Variants in SNX13 observed in about 807,000 individuals in gnomAD.
SNX13 encodes the protein sorting nexin-13.
Under a neutral mutation model 133.6 loss-of-function variants are expected in SNX13, and 45 were observed. The ratio of observed to expected loss-of-function variants is 0.34; its 90% confidence interval spans 0.27 to 0.43. SNX13 has a LOEUF of 0.43. Among genes scored for constraint, SNX13 ranks in the 20% least tolerant of loss-of-function variants. SNX13 has a pLI of 1.00. For synonymous variants in SNX13, 414 were observed against 373.9 expected (o/e 1.11, Z -1.24); for missense variants, 1,032 against 1,145.1 (o/e 0.90, Z 1.43).
Position 17,850,996 on chromosome 7 carries a change from G to C in SNX13, c.838-32C>G, listed in dbSNP as rs1459197068. Reference sequence around the variant, plus strand: ...ACAAGTTTAAGAAAAACAGGTGGGAGAGGAACTCACTTATGAAAAGGAAAA... The same window carrying C: ...ACAAGTTTAAGAAAAACAGGTGGGACAGGAACTCACTTATGAAAAGGAAAA... On this transcript the variant is annotated intron_variant, in intron 9 of 25. Transcript: ENST00000428135. 1.9e-6 allele frequency: 3 copies of C among 1,573,986 alleles called. No individual in the cohort carries two copies. In the African/African-American group the frequency reaches 4.1e-5, roughly 21 times the overall value.
intron 25 of SNX13, chr7:17,795,882 G>A (rs1034305772): frequency 4.0e-5 from 6 of 151,368 alleles, no homozygotes; most frequent in African/African-American, 1.5e-4. Context: ...CAAATGAAAC[G>A]GTATATAGGT....
rs560189721 is a variant in SNX13 at position 17,861,331 on chromosome 7, A to G, written c.837+7076T>C. ...GTTATCACACATACAGTTATCACACATACAGTTATCTCACACACACACACA... is the reference window on the plus strand; with the variant it reads ...GTTATCACACATACAGTTATCACACGTACAGTTATCTCACACACACACACA... On this transcript the variant is annotated intron_variant, in intron 9 of 25. Coordinates refer to ENST00000428135, the MANE Select transcript of SNX13 (RefSeq NM_015132.5). Among the ~76,000 whole-genome samples, 17 of 137,354 alleles carry G rather than the reference A, an allele frequency of 1.2e-4. No homozygotes were observed. The Admixed American group carries it at 1.3e-3, about 10-fold the overall frequency. 90.1% of individuals were successfully genotyped at this position (137,354 alleles called of 152,430 possible). A position where few individuals can be genotyped will look rare whatever the true frequency, so the allele number is the denominator to read the frequency against.
At chr7:17,869,285 T>C (rs1406851316) in intron 8 of SNX13, among the ~76,000 whole-genome samples, 1 of 152,114 alleles carries the variant, frequency 6.6e-6, no homozygotes, top group Non-Finnish European at 1.5e-5. Context: ...ATTGGTCAAC[T>C]TATCTACTGA....
At chr7:17,890,925 T>C (rs563517657) in intron 4 of SNX13, among the ~76,000 whole-genome samples, 2 of 152,046 alleles carry the variant, frequency 1.3e-5, no homozygotes, top group African/African-American at 4.8e-5. Context: ...AGTCTAATTA[T>C]AAAAATGATA....
At chr7:17,888,046 T>G (rs569697288) in intron 5 of SNX13, 2 of 152,312 alleles carry the variant, frequency 1.3e-5, no homozygotes, top group South Asian at 4.1e-4. Flanking sequence ...TTCCTGATAT[T>G]GGCACCGGAA....
At chr7:17,888,703 C>T in intron 5 of SNX13, 1 of 470,830 alleles carries the variant, frequency 2.1e-6, no homozygotes, top group East Asian at 6.9e-5. Context: ...TTGTTTTATT[C>T]ACTGCTGTAT....
rs1229761850 is a variant in SNX13, at chr7:17,816,308, T to TCA, written c.1846-21_1846-20dup. The TCA allele has an allele frequency of 2.7e-5, 41 of 1,523,258 alleles. No homozygotes were observed. Among genetic ancestry groups the TCA allele is most frequent in the Non-Finnish European group, 3.5e-5 (40 of 1,134,624 alleles). The allele number at this position is 1,523,258 out of a possible 1,614,324, so 94.4% of individuals were successfully genotyped here. A position where few individuals can be genotyped will look rare whatever the true frequency, so the allele number is the denominator to read the frequency against. Reference sequence around the variant, plus strand: ...TTTCAAACTGTAAGACAAAATACATTCAATAGCACTTTTTATAAAGACAAA... The same window carrying TCA: ...TTTCAAACTGTAAGACAAAATACATTCACAATAGCACTTTTTATAAAGACAAA... On this transcript the variant is annotated intron_variant, in intron 18 of 25. Coordinates refer to ENST00000428135, the MANE Select transcript of SNX13 (RefSeq NM_015132.5).
intron 9 of SNX13, among the ~76,000 whole-genome samples, chr7:17,856,260 T>C (rs183328191): frequency 8.5e-5 from 13 of 152,340 alleles, no homozygotes; most frequent in Admixed American, 7.2e-4. Context: ...AAATAACTTG[T>C]TATAAATTTA....
chr7:17,873,620 A>G lies in SNX13; in HGVS notation c.665-4T>C, dbSNP rs371834740. On this transcript the variant is annotated splice_polypyrimidine_tract_variant and splice_region_variant and intron_variant, in intron 7 of 25. Coordinates refer to ENST00000428135, the MANE Select transcript of SNX13 (RefSeq NM_015132.5). ...TCACACAAATCCCTTAGGAATCCTA[A>G]AAGTAGAAAAAGTAGCTATCATAAC... 25 of 1,488,466 alleles carry G rather than the reference A, an allele frequency of 1.7e-5. No homozygotes were observed. The highest frequency in any genetic ancestry group is 2.2e-5 in the Non-Finnish European group (24 of 1,096,192). The allele number at this position is 1,488,466 out of a possible 1,614,324, so 92.2% of individuals were successfully genotyped here.
At chr7:17,916,071 G>C (rs1442730193) in intron 1 of SNX13, among the ~76,000 whole-genome samples, 1 of 152,060 alleles carries the variant, frequency 6.6e-6, no homozygotes, top group Non-Finnish European at 1.5e-5. Flanking sequence ...GGGTAAACAA[G>C]AAAATTATGA....
At chr7:17,795,177 G>A (rs1402047184) in intron 25 of SNX13, 1 of 151,638 alleles carries the variant, frequency 6.6e-6, no homozygotes, top group African/African-American at 2.4e-5. Flanking sequence ...GACTAAGAGT[G>A]AGCAAATTTG....
At chr7:17,840,086 T>A in intron 12 of SNX13, 86 bp from the exon 13 acceptor site, 2 of 1,140,570 alleles carry the variant, frequency 1.8e-6, no homozygotes, top group Non-Finnish European at 2.4e-6. Context: ...AAAGAAGGAT[T>A]AAAGTTTCAA....
intron 19 of SNX13, 109 bp downstream of exon 19, chr7:17,816,073 C>G (rs1786623359): frequency 8.1e-7 from 1 of 1,233,992 alleles, no homozygotes; most frequent in African/African-American, 1.5e-5. Context: ...TGGTTGCTAC[C>G]CTGTGATTAC....
chr7:17,869,546 A>C (rs1793806596), intron 8 of SNX13, among the ~76,000 whole-genome samples: 1 of 152,122 alleles, frequency 6.6e-6, no homozygotes, highest in Admixed American at 6.5e-5. Flanking sequence ...AATTTTTCTA[A>C]GTAAAGGATC....
chr7:17,897,630 A>T (rs914923776), intron 1 of SNX13, among the ~76,000 whole-genome samples, 184 bp from the exon 2 acceptor site: 2 of 152,148 alleles, frequency 1.3e-5, no homozygotes, highest in Non-Finnish European at 2.9e-5. Flanking sequence ...AATATACAAA[A>T]TTTATATGTA....
intron 5 of SNX13, among the ~76,000 whole-genome samples, chr7:17,885,804 G>A (rs1414047550): frequency 6.6e-6 from 1 of 152,126 alleles, no homozygotes; most frequent in African/African-American, 2.4e-5. Context: ...CTCCAGCCTA[G>A]GTGACAGAAC....
chr7:17,854,707 T>A (rs1169694373), intron 9 of SNX13, among the ~76,000 whole-genome samples: 1 of 152,214 alleles, frequency 6.6e-6, no homozygotes, highest in Non-Finnish European at 1.5e-5. Flanking sequence ...GATAAATTGT[T>A]TTGTATATTC....
intron 9 of SNX13, among the ~76,000 whole-genome samples, chr7:17,867,815 C>G (rs1793585928): frequency 1.3e-5 from 2 of 151,814 alleles, no homozygotes; most frequent in East Asian, 3.9e-4. Flanking sequence ...AGAAGGTGGC[C>G]CATTTACAAT....
chr7:17,821,203 C>T (rs1241122799), intron 18 of SNX13, among the ~76,000 whole-genome samples: 1 of 152,006 alleles, frequency 6.6e-6, no homozygotes, highest in Non-Finnish European at 1.5e-5. Context: ...AATCTAAGCC[C>T]AAAAAACTTT....
Sources: allele counts gnomAD v4.1 joint callset (sites outside exome capture counted in the v4.1 genomes callset), GRCh38; gene constraint gnomAD v4.1.1; transcripts MANE v1.5; gene names NCBI Gene and HGNC (gene_info 2026-07-23, HGNC 2026-07-21).